Variants in CPD observed in about 807,000 individuals in gnomAD.
CPD encodes metallocarboxypeptidase D.
A neutral mutation model predicts 138.3 loss-of-function variants in CPD; 69 were observed. The ratio of observed to expected loss-of-function variants is 0.50; its 90% CI spans 0.41 to 0.61. The LOEUF is 0.61. Ranked by LOEUF, CPD falls within the 20% of genes least tolerant of loss-of-function variation. CPD has a pLI of 0.00. For missense variants in CPD, 1,432 were observed against 1,733.3 expected, an observed-to-expected ratio of 0.83 and a Z score of 3.09; for synonymous variants, 651 against 642.1, an observed-to-expected ratio of 1.01 and a Z score of -0.21.
chr17:30,457,668 T>G (rs1428780039), intron 17 of CPD, among the ~76,000 whole-genome samples: 1 of 151,964 alleles, frequency 6.6e-6, no homozygotes. Flanking sequence ...TTTGCTGGTT[T>G]TTTTTTTTTT....
chr17:30,412,522 G>A (rs971857861), intron 2 of CPD, among the ~76,000 whole-genome samples: 5 of 152,174 alleles, frequency 3.3e-5, no homozygotes, highest in African/African-American at 9.7e-5. Flanking sequence ...GCTGAGCTAC[G>A]GTGGGCTCTG....
intron 8 of CPD, among the ~76,000 whole-genome samples, chr17:30,436,176 G>C (rs907346853): frequency 3.3e-5 from 5 of 152,088 alleles, no homozygotes; most frequent in Admixed American, 2.0e-4. Context: ...AGCTGGGCTT[G>C]GTGACACGTG....
chr17:30,421,463 C>T (rs1369181719), intron 3 of CPD, among the ~76,000 whole-genome samples: 6 of 152,132 alleles, frequency 3.9e-5, no homozygotes. Flanking sequence ...TTACTAGTGT[C>T]GAGTTCAGAC....
intron 7 of CPD, among the ~76,000 whole-genome samples, chr17:30,427,860 C>T (rs1912462497): frequency 6.6e-6 from 1 of 151,126 alleles, no homozygotes; most frequent in Non-Finnish European, 1.5e-5. Flanking sequence ...TCTCTTACCT[C>T]CTCTCCCCTT....
rs146061918 is a variant in CPD at position 30,426,069 on chromosome 17, G to A, written c.1850-1322G>A. On this transcript the variant is annotated intron_variant, in intron 6 of 20. Coordinates refer to ENST00000225719, the MANE Select transcript of CPD (RefSeq NM_001304.5). ...CAAAAAATTAGCTGGGCGTGGTGGC[G>A]CACACCTGTAATCCCAGCTACTCGG... 2.8e-3 allele frequency among the ~76,000 whole-genome samples: 433 copies of A among 151,950 alleles called. 1 individual carries two copies. Among genetic ancestry groups the A allele is most frequent in the African/African-American group, 8.7e-3 (362 of 41,456 alleles).
intron 2 of CPD, among the ~76,000 whole-genome samples, chr17:30,397,121 T>C (rs954003256): frequency 2.0e-5 from 3 of 152,178 alleles, no homozygotes; most frequent in African/African-American, 7.2e-5. Flanking sequence ...TCACCCCCAA[T>C]TTTTCTTTGA....
At chr17:30,419,524 A>G (rs1912209761) in intron 2 of CPD, among the ~76,000 whole-genome samples, 1 of 152,144 alleles carries the variant, frequency 6.6e-6, no homozygotes, top group African/African-American at 2.4e-5. Context: ...TATTTTTAGT[A>G]GAGACAGGGT....
intron 2 of CPD, among the ~76,000 whole-genome samples, chr17:30,402,765 T>G (rs1284624293): frequency 1.3e-5 from 2 of 152,184 alleles, no homozygotes; most frequent in African/African-American, 4.8e-5. Context: ...CTGGACATTT[T>G]GAATCTTATG....
At chr17:30,400,940 G>A (rs1396075667) in intron 2 of CPD, among the ~76,000 whole-genome samples, 2 of 151,526 alleles carry the variant, frequency 1.3e-5, no homozygotes, top group African/African-American at 2.4e-5. Context: ...GCCTCCCAGA[G>A]TGCTGGGATT....
intron 1 of CPD, among the ~76,000 whole-genome samples, chr17:30,382,839 G>A (rs367807942): frequency 1.3e-5 from 2 of 152,244 alleles, no homozygotes; most frequent in Admixed American, 1.3e-4. Flanking sequence ...TGCCCAGAGG[G>A]TATTTGTTTG....
intron 1 of CPD, among the ~76,000 whole-genome samples, chr17:30,381,759 T>G (rs1911054817): frequency 6.6e-6 from 1 of 152,212 alleles, no homozygotes; most frequent in Admixed American, 6.5e-5. Flanking sequence ...GAAAACTACC[T>G]TTTTCAGTGT....
At chr17:30,431,737 G>C in intron 7 of CPD, 35 bp from the exon 8 acceptor site, 5 of 1,348,228 alleles carry the variant, frequency 3.7e-6, no homozygotes, top group Non-Finnish European at 4.2e-6. Flanking sequence ...TCTTGAAACA[G>C]ACAACATGAT....
chr17:30,412,676 C>A (rs1911997863), intron 2 of CPD, among the ~76,000 whole-genome samples: 1 of 152,166 alleles, frequency 6.6e-6, no homozygotes, highest in South Asian at 2.1e-4. Flanking sequence ...GGTGTGGGAC[C>A]CACCGAGCCA....
chr17:30,456,227 C>T (rs760264356), intron 15 of CPD, 29 bp from the exon 16 acceptor site: 1 of 1,547,340 alleles, frequency 6.5e-7, no homozygotes, highest in Admixed American at 1.8e-5. Flanking sequence ...TGGATTTCTC[C>T]ACTGACTTCT....
At chr17:30,453,836 G>A (rs185808408) in intron 14 of CPD, among the ~76,000 whole-genome samples, 6 of 152,194 alleles carry the variant, frequency 3.9e-5, no homozygotes, top group South Asian at 4.1e-4. Context: ...TTGCACCCGC[G>A]GGCTCAATGC....
At chr17:30,448,886 G>C (rs1382534986) in intron 12 of CPD, among the ~76,000 whole-genome samples, 2 of 152,094 alleles carry the variant, frequency 1.3e-5, no homozygotes, top group Non-Finnish European at 1.5e-5. Context: ...AGGATTGCTT[G>C]AGGCCAGAAG....
In CPD at chr17:30,420,994, A is replaced by G. The variant is rs369343812; in HGVS notation, c.1137+11A>G. On this transcript the variant is annotated intron_variant, in intron 3 of 20. Coordinates refer to ENST00000225719, the MANE Select transcript of CPD (RefSeq NM_001304.5). Reference sequence around the variant, plus strand: ...ACATTGATTGAAAAGGTAAAAGTAGATGACTGGAATGTTGGGGTATAGAAA... The same window carrying G: ...ACATTGATTGAAAAGGTAAAAGTAGGTGACTGGAATGTTGGGGTATAGAAA... The G allele has an allele frequency of 1.2e-6, 2 of 1,611,152 alleles. No individual in the cohort carries two copies. Among genetic ancestry groups the G allele is most frequent in the Non-Finnish European group, 1.7e-6 (2 of 1,178,408 alleles).
chr17:30,390,278 A>G (rs1028442489), intron 2 of CPD, among the ~76,000 whole-genome samples: 2 of 152,122 alleles, frequency 1.3e-5, no homozygotes, highest in Non-Finnish European at 2.9e-5. Flanking sequence ...TGGCCTCCCA[A>G]AGTGCTGGGA....
chr17:30,399,459 T>C (rs1455854699), intron 2 of CPD, among the ~76,000 whole-genome samples: 1 of 152,222 alleles, frequency 6.6e-6, no homozygotes, highest in African/African-American at 2.4e-5. Context: ...CTTTTAGTTC[T>C]ATAAATTTTT....
Sources: gnomAD v4.1 joint callset for allele counts (sites outside exome capture counted in the v4.1 genomes callset) on GRCh38, gnomAD v4.1.1 for gene constraint, MANE v1.5 for transcripts, NCBI Gene and HGNC (gene_info 2026-07-23, HGNC 2026-07-21) for gene names.